Variants in NFATC3 observed in about 807,000 individuals in gnomAD.
NFATC3 encodes the protein nuclear factor of activated T-cells, cytoplasmic 3.
Under a neutral mutation model 98.6 loss-of-function variants are expected in NFATC3, and 46 were observed. The ratio of observed to expected loss-of-function variants is 0.47; its 90% CI spans 0.37 to 0.60. NFATC3 has a LOEUF of 0.60. NFATC3 is among the 20% of genes least tolerant of loss of function. NFATC3 has a pLI of 0.00. For missense variants in NFATC3, 1,256 were observed against 1,295.5 expected (o/e 0.97, Z 0.47); for synonymous variants, 512 against 472.2 (o/e 1.08, Z -1.09).
intron 8 of NFATC3, among the ~76,000 whole-genome samples, chr16:68,184,859 A>G (rs1226469435): frequency 6.6e-6 from 1 of 152,184 alleles, no homozygotes; most frequent in Non-Finnish European, 1.5e-5. Flanking sequence ...TAGTTTTTGT[A>G]AAGAGAGAGA....
intron 3 of NFATC3, among the ~76,000 whole-genome samples, chr16:68,128,728 C>T (rs928182663): frequency 1.3e-5 from 2 of 151,830 alleles, no homozygotes; most frequent in Admixed American, 6.6e-5. Flanking sequence ...GCTTAAGGAT[C>T]GCTTGAGGCC....
At chr16:68,222,900 C>T (rs766098268) in intron 9 of NFATC3, among the ~76,000 whole-genome samples, 6 of 152,146 alleles carry the variant, frequency 3.9e-5, no homozygotes, top group African/African-American at 2.4e-5. Flanking sequence ...ACAAGACTAG[C>T]TCGTAGAACC....
At chr16:68,170,792 C>T (rs953464920) in intron 5 of NFATC3, among the ~76,000 whole-genome samples, 18 of 152,076 alleles carry the variant, frequency 1.2e-4, no homozygotes, top group African/African-American at 3.6e-4. Context: ...TGCGCCCGGC[C>T]TCGATTTTCT....
At chr16:68,156,310 C>T (rs1021810525) in intron 3 of NFATC3, among the ~76,000 whole-genome samples, 8 of 150,530 alleles carry the variant, frequency 5.3e-5, no homozygotes, top group African/African-American at 1.2e-4. Context: ...AGCGAGACTT[C>T]GTCTCAAAAA....
At chr16:68,190,724 T>C (rs987452474) in intron 8 of NFATC3, 44 bp from the exon 9 acceptor site, 1 of 1,534,870 alleles carries the variant, frequency 6.5e-7, no homozygotes. Flanking sequence ...ATGATAATTT[T>C]ATGTATTGTA....
At chr16:68,115,477 A>G (rs1168837649) in intron 1 of NFATC3, among the ~76,000 whole-genome samples, 6 of 150,392 alleles carry the variant, frequency 4.0e-5, no homozygotes, top group African/African-American at 1.5e-4. Context: ...GCTAGAGTGC[A>G]GTAGTAGCGC....
intron 6 of NFATC3, among the ~76,000 whole-genome samples, chr16:68,180,217 A>G: frequency 6.6e-6 from 1 of 152,174 alleles, no homozygotes; most frequent in African/African-American, 2.4e-5. Context: ...AGGAGAGGAG[A>G]CACAAGCAGA....
intron 6 of NFATC3, 62 bp from the exon 7 acceptor site, chr16:68,181,413 G>A (rs1350980658): frequency 1.8e-5 from 22 of 1,234,770 alleles, no homozygotes; most frequent in Non-Finnish European, 2.6e-5. Flanking sequence ...CCATGCATTA[G>A]ATTTTGTCTG....
intron 9 of NFATC3, among the ~76,000 whole-genome samples, chr16:68,211,046 G>A (rs150047591): frequency 0.013 from 2,023 of 152,022 alleles, 45 homozygotes; most frequent in Admixed American, 0.048. Context: ...CCTCCCAGGT[G>A]TAAGCCACTG....
intron 3 of NFATC3, among the ~76,000 whole-genome samples, chr16:68,132,691 A>G (rs577995643): frequency 6.6e-6 from 1 of 152,368 alleles, no homozygotes; most frequent in East Asian, 1.9e-4. Context: ...AGGCATAAAA[A>G]AGAATGAAAT....
At chr16:68,151,871 C>G (rs1042488524) in intron 3 of NFATC3, among the ~76,000 whole-genome samples, 2 of 151,866 alleles carry the variant, frequency 1.3e-5, no homozygotes, top group Non-Finnish European at 2.9e-5. Context: ...AAGTTCGAGA[C>G]GAGCCTGGCT....
intron 3 of NFATC3, among the ~76,000 whole-genome samples, chr16:68,155,733 C>A (rs55725810): frequency 1.3e-5 from 2 of 152,048 alleles, no homozygotes; most frequent in Non-Finnish European, 2.9e-5. Flanking sequence ...AAATAGCATG[C>A]CCCTTTCTGT....
At chr16:68,185,980 C>T (rs1174216060) in intron 8 of NFATC3, among the ~76,000 whole-genome samples, 2 of 150,630 alleles carry the variant, frequency 1.3e-5, no homozygotes, top group African/African-American at 2.4e-5. Context: ...GAATGGAAAT[C>T]AGTAGAGCTC....
intron 4 of NFATC3, among the ~76,000 whole-genome samples, chr16:68,160,114 T>C (rs2038823083): frequency 6.6e-6 from 1 of 152,134 alleles, no homozygotes; most frequent in Non-Finnish European, 1.5e-5. Flanking sequence ...TGAGCTCTCT[T>C]CATTTAAATT....
At chr16:68,163,728 C>T (rs1468416802) in intron 4 of NFATC3, among the ~76,000 whole-genome samples, 1 of 133,786 alleles carries the variant, frequency 7.5e-6, no homozygotes, top group Non-Finnish European at 1.6e-5. Context: ...CAGACGGGGT[C>T]GCGGCTGGGC....
At chr16:68,200,577 G>T (rs773121186) in intron 9 of NFATC3, 2 of 152,034 alleles carry the variant, frequency 1.3e-5, no homozygotes, top group Non-Finnish European at 2.9e-5. Flanking sequence ...TTCCTTTGGG[G>T]GTTACAACAG....
At chr16:68,214,095 A>C (rs1409903219) in intron 9 of NFATC3, among the ~76,000 whole-genome samples, 1 of 152,204 alleles carries the variant, frequency 6.6e-6, no homozygotes, top group Non-Finnish European at 1.5e-5. Flanking sequence ...TGTAACTCTT[A>C]AAGTTATTGC....
intron 9 of NFATC3, among the ~76,000 whole-genome samples, chr16:68,202,715 G>A (rs534703805): frequency 1.3e-5 from 2 of 152,196 alleles, no homozygotes; most frequent in African/African-American, 2.4e-5. Context: ...GGGAGGCTGA[G>A]GCAGGAGAAT....
chr16:68,190,165 T>C (rs1251063177), intron 8 of NFATC3, among the ~76,000 whole-genome samples: 1 of 152,268 alleles, frequency 6.6e-6, no homozygotes, highest in African/African-American at 2.4e-5. Context: ...AATGTATTTG[T>C]TAGTTTTTTT....
Sources: allele counts gnomAD v4.1 joint callset (sites outside exome capture counted in the v4.1 genomes callset), GRCh38; gene constraint gnomAD v4.1.1; transcripts MANE v1.5; gene names NCBI Gene and HGNC (gene_info 2026-07-23, HGNC 2026-07-21).